The following CORO2B variants were observed in gnomAD, a reference collection of about 807,000 sequenced individuals.
CORO2B encodes the protein coronin-2B.
CORO2B carries 26 observed loss-of-function variants against 58.8 expected under a neutral mutation model. The ratio of observed to expected loss-of-function variants is 0.44; its 90% CI spans 0.32 to 0.61. The LOEUF (loss-of-function observed/expected upper bound fraction) is 0.61, where lower values mean the gene tolerates loss of function less well. Ranked by LOEUF, CORO2B falls within the 20% of genes least tolerant of loss-of-function variation. The probability of loss-of-function intolerance (pLI) is 0.04; values close to 1 mark genes in which losing one functional copy is unlikely to be tolerated. For missense variants in CORO2B, 460 were observed against 645.1 expected (o/e 0.71, Z 3.11); for synonymous variants, 242 against 253.8 (o/e 0.95, Z 0.44).
At chr15:68,547,908 C>T in the CORO2B span, among the ~76,000 whole-genome samples, 7 of 152,274 alleles carry the variant, frequency 4.6e-5, no homozygotes, top group East Asian at 1.9e-4. Flanking sequence ...TGGTGGCTCA[C>T]GCCTGTAGCC....
chr15:68,555,703 C>T, the CORO2B span, among the ~76,000 whole-genome samples: 11 of 152,332 alleles, frequency 7.2e-5, no homozygotes, highest in Admixed American at 2.0e-4. Flanking sequence ...AATGGGAAAA[C>T]GACTTTGCTT....
intron 1 of CORO2B, among the ~76,000 whole-genome samples, chr15:68,636,474 C>T (rs1901036048): frequency 6.6e-6 from 1 of 152,192 alleles, no homozygotes; most frequent in Non-Finnish European, 1.5e-5. Flanking sequence ...GAGAAGGCGC[C>T]ATCCCAGCCC....
At chr15:68,614,791 C>A in intron 1 of CORO2B, among the ~76,000 whole-genome samples, 1 of 152,196 alleles carries the variant, frequency 6.6e-6, no homozygotes, top group East Asian at 1.9e-4. Context: ...CCTCTCAGCT[C>A]TGACTGGAGC....
rs1899345352 is a variant in CORO2B at position 68,579,103 on chromosome 15, G to T, written c.-160G>T. 1 of 982,854 alleles carries T rather than the reference G, an allele frequency of 1.0e-6. No homozygotes were observed. The highest frequency in any genetic ancestry group is 1.2e-6 in the Non-Finnish European group (1 of 828,946). 60.9% of individuals were successfully genotyped at this position (982,854 alleles called of 1,614,324 possible). A position where few individuals can be genotyped will look rare whatever the true frequency, so the allele number is the denominator to read the frequency against. On this transcript the variant is annotated 5_prime_UTR_variant, in exon 1 of 12. Transcript: ENST00000261861. Reference sequence around the variant, plus strand: ...GAGCGCCGACGAGCGGTCCCTGCGCGCTGCCCGCCCGGAGCGCAGCCCCCA... The same window carrying T: ...GAGCGCCGACGAGCGGTCCCTGCGCTCTGCCCGCCCGGAGCGCAGCCCCCA...
At chr15:68,577,350 A>G (rs1595947639), upstream of CORO2B, among the ~76,000 whole-genome samples, 1 of 152,088 alleles carries the variant, frequency 6.6e-6, no homozygotes, top group Non-Finnish European at 1.5e-5. Flanking sequence ...CCTTCTCTAA[A>G]TCCGTTTACT....
chr15:68,687,703 G>A (rs900391693), intron 2 of CORO2B, among the ~76,000 whole-genome samples: 1 of 152,178 alleles, frequency 6.6e-6, no homozygotes. Flanking sequence ...TTTGGTTTAC[G>A]GTTCTGGAAG....
chr15:68,659,367 G>A (rs1039394702), intron 2 of CORO2B, among the ~76,000 whole-genome samples: 1 of 152,156 alleles, frequency 6.6e-6, no homozygotes, highest in African/African-American at 2.4e-5. Flanking sequence ...TATCTTACAT[G>A]TTATATGTGT....
chr15:68,648,466 G>A (rs1452030244), intron 2 of CORO2B, among the ~76,000 whole-genome samples: 1 of 152,108 alleles, frequency 6.6e-6, no homozygotes, highest in East Asian at 1.9e-4. Flanking sequence ...CTAACATGGT[G>A]AAACCCTATC....
At chr15:68,617,483 C>G (rs1196944752) in intron 1 of CORO2B, among the ~76,000 whole-genome samples, 1 of 152,188 alleles carries the variant, frequency 6.6e-6, no homozygotes, top group African/African-American at 2.4e-5. Flanking sequence ...CCATACTGGA[C>G]CTCCACATTC....
rs548038852 is a variant in CORO2B, at chr15:68,696,501, A to G, written c.333+1245A>G. Among the ~76,000 whole-genome samples the G allele has an allele frequency of 9.0e-5, 13 of 144,650 alleles. No individual in the cohort carries two copies. The South Asian group carries it at 2.6e-3, about 28-fold the overall frequency. 94.9% of individuals were successfully genotyped at this position (144,650 alleles called of 152,430 possible). On this transcript the variant is annotated intron_variant, in intron 3 of 11. Coordinates refer to ENST00000261861, the MANE Select transcript of CORO2B (RefSeq NM_006091.5). ...AAGGCGGAGGTTGCAGTGAGCTGAG[A>G]TCGTGCCACTGCAGTCCATGCACTC...
intron 3 of CORO2B, among the ~76,000 whole-genome samples, chr15:68,704,419 A>T (rs946292858): frequency 1.3e-5 from 2 of 152,074 alleles, no homozygotes; most frequent in Admixed American, 1.3e-4. Flanking sequence ...GTATGGGTAT[A>T]ATTATCCTTA....
At position 68,726,147 on chromosome 15, in the gene CORO2B, A is replaced by T; in HGVS notation, c.*173A>T. On this transcript the variant is annotated 3_prime_UTR_variant, in exon 12 of 12. Transcript: ENST00000261861. Reference sequence around the variant, plus strand: ...AGCCAACCTCTAACCTCCTGACCTCATGCTAATAAAAGTCCCCAGCTTCTG... The same window carrying T: ...AGCCAACCTCTAACCTCCTGACCTCTTGCTAATAAAAGTCCCCAGCTTCTG... 3.8e-6 allele frequency: 3 copies of T among 797,752 alleles called. No individual in the cohort carries two copies. Among genetic ancestry groups the T allele is most frequent in the Non-Finnish European group, 5.8e-6 (3 of 517,324 alleles). The allele number at this position is 797,752 out of a possible 1,614,324, so 49.4% of individuals were successfully genotyped here.
intron 3 of CORO2B, among the ~76,000 whole-genome samples, chr15:68,700,560 A>G (rs1325738231): frequency 6.6e-6 from 1 of 152,118 alleles, no homozygotes; most frequent in African/African-American, 2.4e-5. Context: ...GGGATCCAGC[A>G]GAACATACCC....
rs924674851 is a variant in CORO2B, at chr15:68,606,232, C to T, written c.15+26955C>T. Among the ~76,000 whole-genome samples, 4 of 152,212 alleles carry T rather than the reference C, an allele frequency of 2.6e-5. No individual in the cohort carries two copies. The South Asian group carries it at 8.3e-4, about 32-fold the overall frequency. On this transcript the variant is annotated intron_variant, in intron 1 of 11. Coordinates refer to ENST00000261861, the MANE Select transcript of CORO2B (RefSeq NM_006091.5). ...GAGTGGGAATTTTGGAGCCATCAGCCTGTAGATAGTGTTTAAAGCCCTAAG... is the reference window on the plus strand; with the variant it reads ...GAGTGGGAATTTTGGAGCCATCAGCTTGTAGATAGTGTTTAAAGCCCTAAG...
chr15:68,619,620 G>A (rs1187038755), intron 1 of CORO2B, among the ~76,000 whole-genome samples: 1 of 152,124 alleles, frequency 6.6e-6, no homozygotes, highest in African/African-American at 2.4e-5. Context: ...TCCCAGCAGG[G>A]CCTGAATAAA....
intron 3 of CORO2B, among the ~76,000 whole-genome samples, chr15:68,701,184 C>A (rs995083167): frequency 5.3e-5 from 8 of 152,320 alleles, no homozygotes; most frequent in Non-Finnish European, 1.0e-4. Context: ...GATTTAGCAG[C>A]CACAGAGAAA....
the CORO2B span, among the ~76,000 whole-genome samples, chr15:68,539,750 C>A: frequency 6.6e-6 from 1 of 152,068 alleles, no homozygotes; most frequent in Non-Finnish European, 1.5e-5. Flanking sequence ...TAAATAACAG[C>A]AATAAACATA....
chr15:68,614,045 A>G (rs929997299), intron 1 of CORO2B, among the ~76,000 whole-genome samples: 1 of 152,174 alleles, frequency 6.6e-6, no homozygotes, highest in Admixed American at 6.5e-5. Context: ...TCATCAGTGG[A>G]CCACCTGCAT....
rs372199494 is a variant in CORO2B at position 68,708,165 on chromosome 15, T to A, written c.334-2567T>A. Among the ~76,000 whole-genome samples the A allele has an allele frequency of 3.2e-3, 485 of 152,204 alleles. 7 individuals are homozygous for A. Among genetic ancestry groups the A allele is most frequent in the African/African-American group, 0.011 (469 of 41,518 alleles). On this transcript the variant is annotated intron_variant, in intron 3 of 11. Coordinates refer to ENST00000261861, the MANE Select transcript of CORO2B (RefSeq NM_006091.5). ...TTGACAGAACTTGCCTTTCTTACCT[T>A]GAAACCTCCCAGTCAACAGCCACAG...
Sources: gnomAD v4.1 joint callset for allele counts (sites outside exome capture counted in the v4.1 genomes callset) on GRCh38, gnomAD v4.1.1 for gene constraint, MANE v1.5 for transcripts, NCBI Gene and HGNC (gene_info 2026-07-23, HGNC 2026-07-21) for gene names.